Variants in PTK2 observed in about 807,000 individuals in gnomAD.
PTK2 encodes the protein focal adhesion kinase 1.
PTK2 carries 45 observed loss-of-function variants against 150.1 expected under a neutral mutation model. The observed-to-expected ratio is 0.30, with a 90% CI of 0.24 to 0.38. PTK2 has a LOEUF of 0.38. Among genes scored for constraint, PTK2 ranks in the 10% least tolerant of loss-of-function variants. The pLI is 1.00. For missense variants in PTK2, 919 were observed against 1,307.3 expected, an observed-to-expected ratio of 0.70 and a Z score of 4.58; for synonymous variants, 432 against 449.2, an observed-to-expected ratio of 0.96 and a Z score of 0.48.
At chr8:140,925,631 C>T (rs2100169150) in intron 2 of PTK2, 30 bp downstream of exon 2, 4 of 984,176 alleles carry the variant, frequency 4.1e-6, no homozygotes, top group Middle Eastern at 5.2e-4. Context: ...TATTCACTTT[C>T]TTTGCAAAGT....
At chr8:140,973,895 C>T (rs560177500) in intron 1 of PTK2, among the ~76,000 whole-genome samples, 2 of 152,290 alleles carry the variant, frequency 1.3e-5, no homozygotes, top group South Asian at 4.1e-4. Context: ...TAGATTCCAT[C>T]ATTTCTTATA....
chr8:140,878,586 T>C (rs947784722), intron 4 of PTK2, among the ~76,000 whole-genome samples: 4 of 150,656 alleles, frequency 2.7e-5, no homozygotes, highest in Non-Finnish European at 1.5e-5. Context: ...AGGGCGAGAC[T>C]CTGTCTCAAA....
chr8:140,923,809 C>T (rs1344372988), intron 2 of PTK2, among the ~76,000 whole-genome samples: 2 of 152,128 alleles, frequency 1.3e-5, no homozygotes, highest in Non-Finnish European at 2.9e-5. Context: ...CCAGATATAA[C>T]CAGAATACAT....
intron 15 of PTK2, among the ~76,000 whole-genome samples, chr8:140,763,185 C>T (rs1426341392): frequency 6.6e-6 from 1 of 152,200 alleles, no homozygotes; most frequent in African/African-American, 2.4e-5. Flanking sequence ...AGTCAAGAAG[C>T]TCCTGAAAGG....
chr8:140,711,166 G>A (rs1292205528), intron 23 of PTK2, among the ~76,000 whole-genome samples: 1 of 152,218 alleles, frequency 6.6e-6, no homozygotes. Context: ...GAGTGCAGTG[G>A]CGTGATCTCG....
chr8:140,890,535 G>A lies in PTK2; in HGVS notation c.195+8C>T, dbSNP rs370609262. ...CATTAAAGATGTCTCATGGAAAAAC[G>A]TACTTACCCTGACATCAGTAGCATC... On this transcript the variant is annotated splice_region_variant and intron_variant, in intron 3 of 31. Coordinates refer to ENST00000522684, the Ensembl canonical transcript of PTK2. The A allele has an allele frequency of 2.9e-5, 47 of 1,607,782 alleles. No individual in the cohort carries two copies. The Middle Eastern group carries it at 5.0e-4, about 17-fold the overall frequency.
chr8:140,968,735 TATC>T (rs1207491839), intron 1 of PTK2, among the ~76,000 whole-genome samples: 1 of 152,238 alleles, frequency 6.6e-6, no homozygotes, highest in Non-Finnish European at 1.5e-5. Flanking sequence ...ACAACTCTTC[TATC>T]ATACTTGAGA....
At chr8:140,756,624 G>A (rs1349743926) in intron 16 of PTK2, among the ~76,000 whole-genome samples, 1 of 150,876 alleles carries the variant, frequency 6.6e-6, no homozygotes. Context: ...TTGAACCCGG[G>A]AGGTTGTGGT....
chr8:140,889,928 T>G (rs999641492), intron 3 of PTK2, among the ~76,000 whole-genome samples: 3 of 152,212 alleles, frequency 2.0e-5, no homozygotes, highest in African/African-American at 7.2e-5. Context: ...AAGGAAATCC[T>G]TTCCAGTACT....
intron 8 of PTK2, among the ~76,000 whole-genome samples, chr8:140,829,665 AAAGT>A (rs1415018176): frequency 2.0e-5 from 3 of 152,164 alleles, no homozygotes; most frequent in East Asian, 1.9e-4. Context: ...TGAAAAATAA[AAAGT>A]AAGAGCAGTA....
At chr8:140,848,268 A>G (rs2100126891) in intron 5 of PTK2, among the ~76,000 whole-genome samples, 1 of 152,250 alleles carries the variant, frequency 6.6e-6, no homozygotes, top group African/African-American at 2.4e-5. Flanking sequence ...TTTATAACCT[A>G]ATATGCACTA....
intron 2 of PTK2, among the ~76,000 whole-genome samples, chr8:140,917,982 G>A (rs1365375122): frequency 6.6e-6 from 1 of 152,118 alleles, no homozygotes; most frequent in Non-Finnish European, 1.5e-5. Flanking sequence ...ATTTTTCTGT[G>A]CACACTAGTC....
At chr8:140,899,554 T>C (rs900482514) in intron 2 of PTK2, among the ~76,000 whole-genome samples, 3 of 152,216 alleles carry the variant, frequency 2.0e-5, no homozygotes, top group African/African-American at 7.2e-5. Flanking sequence ...CAAACTCTTC[T>C]ACTCAAAAAT....
intron 14 of PTK2, among the ~76,000 whole-genome samples, chr8:140,767,432 T>C (rs1342290634): frequency 8.6e-6 from 1 of 115,824 alleles, no homozygotes; most frequent in East Asian, 2.8e-4. Flanking sequence ...CAAAAGTTTA[T>C]AACCCTCTAT....
intron 5 of PTK2, among the ~76,000 whole-genome samples, chr8:140,858,808 C>G (rs996249580): frequency 6.6e-6 from 1 of 152,182 alleles, no homozygotes; most frequent in African/African-American, 2.4e-5. Flanking sequence ...AAAACTGGAA[C>G]CTTAACAATA....
intron 7 of PTK2, among the ~76,000 whole-genome samples, chr8:140,834,893 T>C (rs1156875176): frequency 6.6e-6 from 1 of 152,224 alleles, no homozygotes; most frequent in Admixed American, 6.5e-5. Context: ...CATTTAACAC[T>C]CCACTGATTC....
chr8:140,835,269 C>G lies in PTK2; in HGVS notation c.594-4743G>C, dbSNP rs1246972735. 2.0e-5 allele frequency among the ~76,000 whole-genome samples: 3 copies of G among 152,280 alleles called. No homozygotes were observed. In the East Asian group the frequency reaches 5.8e-4, roughly 29 times the overall value. ...GCTTATTATAAGCACATTTTTAAGT[C>G]AAGGATAAATTTATTTCTCTTCTGG... On this transcript the variant is annotated intron_variant, in intron 7 of 31. Coordinates refer to ENST00000522684, the Ensembl canonical transcript of PTK2.
chr8:140,890,400 CTT>C, intron 3 of PTK2, 141 bp downstream of exon 3: 1 of 662,318 alleles, frequency 1.5e-6, no homozygotes, highest in Non-Finnish European at 2.5e-6. Context: ...ACTAATAAAT[CTT>C]ATAATTAAAA....
At chr8:140,802,907 A>G (rs2100095961) in intron 11 of PTK2, among the ~76,000 whole-genome samples, 1 of 151,716 alleles carries the variant, frequency 6.6e-6, no homozygotes, top group Non-Finnish European at 1.5e-5. Flanking sequence ...CAAAGAAATC[A>G]GGGAATTAGG....
Sources: allele counts gnomAD v4.1 joint callset (sites outside exome capture counted in the v4.1 genomes callset), GRCh38; gene constraint gnomAD v4.1.1; transcripts MANE v1.5; gene names NCBI Gene and HGNC (gene_info 2026-07-23, HGNC 2026-07-21).